RORA: variants seen among roughly 807,000 people sequenced by gnomAD.
RORA encodes nuclear receptor ROR-alpha.
RORA carries 7 observed loss-of-function variants against 69.5 expected under a neutral mutation model. That is an observed-to-expected ratio of 0.10 (90% confidence interval 0.06 to 0.19). The LOEUF (loss-of-function observed/expected upper bound fraction) is 0.19. Among genes scored for constraint, RORA ranks in the 10% least tolerant of loss-of-function variants. RORA has a pLI of 1.00. For missense variants in RORA, 457 were observed against 663.0 expected, an observed-to-expected ratio of 0.69 and a Z score of 3.41; for synonymous variants, 261 against 240.8, an observed-to-expected ratio of 1.08 and a Z score of -0.78.
chr15:60,749,996 C>T (rs915493819), intron 1 of RORA, among the ~76,000 whole-genome samples: 11 of 152,184 alleles, frequency 7.2e-5, no homozygotes, highest in African/African-American at 1.7e-4. Context: ...CACCAGTGCA[C>T]GCCAGCCTGG....
chr15:61,001,726 C>A (rs1022609451), intron 1 of RORA, among the ~76,000 whole-genome samples: 1 of 151,956 alleles, frequency 6.6e-6, no homozygotes, highest in African/African-American at 2.4e-5. Context: ...GTAAAAGCAC[C>A]AGTTAATAGG....
rs146130534 is a variant in RORA, at chr15:60,626,463, G to T, written c.196+52194C>A. ...GGGTGATTCTTGCAAGAATGCACATGGAGTAATATGAGTAGCCGCGTTCTC... is the reference window on the plus strand; with the variant it reads ...GGGTGATTCTTGCAAGAATGCACATTGAGTAATATGAGTAGCCGCGTTCTC... On this transcript the variant is annotated intron_variant, in intron 2 of 10. Coordinates refer to ENST00000335670, the MANE Select transcript of RORA (RefSeq NM_134261.3). Among the ~76,000 whole-genome samples the T allele has an allele frequency of 3.1e-3, 477 of 152,250 alleles. 1 individual carries two copies. Among genetic ancestry groups the T allele is most frequent in the African/African-American group, 0.011 (452 of 41,532 alleles).
intron 1 of RORA, among the ~76,000 whole-genome samples, chr15:60,985,553 A>AATCT (rs1300556699): frequency 6.7e-6 from 1 of 149,308 alleles, no homozygotes; most frequent in African/African-American, 2.5e-5. Flanking sequence ...ACGAAAAATT[A>AATCT]ATCTTGTGCT....
At chr15:60,540,900 T>C (rs762055559) in intron 2 of RORA, among the ~76,000 whole-genome samples, 6 of 152,184 alleles carry the variant, frequency 3.9e-5, no homozygotes, top group Non-Finnish European at 8.8e-5. Context: ...CACAGGAACA[T>C]GGTGTCATGA....
intron 1 of RORA, among the ~76,000 whole-genome samples, chr15:60,904,404 G>A (rs1344512014): frequency 6.6e-6 from 1 of 152,166 alleles, no homozygotes; most frequent in African/African-American, 2.4e-5. Flanking sequence ...GCATAGACAA[G>A]TATGATGGCT....
chr15:61,177,478 G>C (rs187533670), intron 1 of RORA, among the ~76,000 whole-genome samples: 1 of 152,156 alleles, frequency 6.6e-6, no homozygotes, highest in Non-Finnish European at 1.5e-5. Context: ...CTAAGATGTG[G>C]TTGCACACAT....
At chr15:60,627,392 C>G (rs200037031) in intron 2 of RORA, 1 of 1,613,952 alleles carries the variant, frequency 6.2e-7, no homozygotes, top group Non-Finnish European at 8.5e-7. Flanking sequence ...CCTGGTTACC[C>G]ATCTGCCTCC....
At chr15:61,126,321 T>C (rs530882149) in intron 1 of RORA, among the ~76,000 whole-genome samples, 214 of 152,350 alleles carry the variant, frequency 1.4e-3, no homozygotes, top group African/African-American at 4.9e-3. Context: ...AATGATTAAA[T>C]CCAGCTAATC....
chr15:61,095,466 A>G (rs2078775254), intron 1 of RORA, among the ~76,000 whole-genome samples: 1 of 152,228 alleles, frequency 6.6e-6, no homozygotes, highest in Admixed American at 6.5e-5. Context: ...TAAAGAAAAG[A>G]CTGCATTCAA....
intron 1 of RORA, among the ~76,000 whole-genome samples, chr15:60,700,004 G>T: frequency 6.6e-6 from 1 of 152,088 alleles, no homozygotes; most frequent in Non-Finnish European, 1.5e-5. Flanking sequence ...TCTGTTTTTT[G>T]TCCGGAAGGA....
At chr15:61,205,470 G>T (rs1201948746) in intron 1 of RORA, among the ~76,000 whole-genome samples, 6 of 152,178 alleles carry the variant, frequency 3.9e-5, no homozygotes, top group Non-Finnish European at 7.4e-5. Context: ...AGGATTGCAC[G>T]CAGGAATTCC....
intron 2 of RORA, among the ~76,000 whole-genome samples, chr15:60,676,914 TTCTG>T (rs1371018869): frequency 6.6e-6 from 1 of 152,240 alleles, no homozygotes; most frequent in African/African-American, 2.4e-5. Flanking sequence ...ACATCTAGAT[TTCTG>T]TCTATGTTAT....
intron 1 of RORA, among the ~76,000 whole-genome samples, chr15:61,012,313 G>C (rs1460366126): frequency 6.6e-6 from 1 of 152,080 alleles, no homozygotes; most frequent in Admixed American, 6.5e-5. Flanking sequence ...GTTCCTATAG[G>C]GCACCCAAAT....
At chr15:60,651,706 C>T (rs1596098415) in intron 2 of RORA, among the ~76,000 whole-genome samples, 2 of 152,188 alleles carry the variant, frequency 1.3e-5, no homozygotes, top group South Asian at 2.1e-4. Flanking sequence ...TCTGCACCCT[C>T]CTTCAGCCCC....
intron 1 of RORA, among the ~76,000 whole-genome samples, chr15:61,037,020 G>GATA: frequency 6.6e-6 from 1 of 152,122 alleles, no homozygotes; most frequent in South Asian, 2.1e-4. Flanking sequence ...ACTTTTGTCA[G>GATA]GCGGCAACAG....
At chr15:61,020,894 T>C (rs1895489413) in intron 1 of RORA, among the ~76,000 whole-genome samples, 1 of 152,248 alleles carries the variant, frequency 6.6e-6, no homozygotes, top group South Asian at 2.1e-4. Context: ...TATTTATTGC[T>C]GCCTCTCAGT....
At chr15:60,988,050 C>T (rs1894262558) in intron 1 of RORA, among the ~76,000 whole-genome samples, 1 of 152,234 alleles carries the variant, frequency 6.6e-6, no homozygotes, top group Admixed American at 6.5e-5. Flanking sequence ...TTCTTACTCA[C>T]ACTGCTCTGC....
At chr15:60,624,145 A>AT (rs1387553531) in intron 2 of RORA, among the ~76,000 whole-genome samples, 1 of 152,106 alleles carries the variant, frequency 6.6e-6, no homozygotes, top group Non-Finnish European at 1.5e-5. Context: ...CTTTCTATTT[A>AT]TAAGGTATTG....
At chr15:61,198,744 T>A (rs2140923955) in intron 1 of RORA, among the ~76,000 whole-genome samples, 1 of 151,774 alleles carries the variant, frequency 6.6e-6, no homozygotes, top group African/African-American at 2.4e-5. Flanking sequence ...GTAGTTCAGC[T>A]GATGCCACCC....
Sources: gnomAD v4.1 joint callset for allele counts (sites outside exome capture counted in the v4.1 genomes callset) on GRCh38, gnomAD v4.1.1 for gene constraint, MANE v1.5 for transcripts, NCBI Gene and HGNC (gene_info 2026-07-23, HGNC 2026-07-21) for gene names.